The following ZNF398 variants were observed in gnomAD, a reference collection of about 807,000 sequenced individuals.
ZNF398 encodes the protein zinc finger DNA binding protein ZER6.
ZNF398 carries 18 observed loss-of-function variants against 41.9 expected under a neutral mutation model. The observed-to-expected ratio is 0.43, with a 90% CI of 0.30 to 0.64. The LOEUF is 0.64. Among genes scored for constraint, ZNF398 ranks in the 30% least tolerant of loss-of-function variants. The probability of loss-of-function intolerance (pLI) is 0.14; values close to 1 mark genes in which losing one functional copy is unlikely to be tolerated. For synonymous variants in ZNF398, 260 were observed against 308.8 expected (o/e 0.84, Z 1.66); for missense variants, 669 against 822.8 (o/e 0.81, Z 2.29).
At position 149,179,834 on chromosome 7, in the gene ZNF398, G is replaced by A; in HGVS notation, c.*33G>A. On this transcript the variant is annotated 3_prime_UTR_variant, in exon 6 of 6. Coordinates refer to ENST00000475153, the MANE Select transcript of ZNF398 (RefSeq NM_170686.3). The surrounding 1 kb of genome is among the most constrained non-coding windows in gnomAD (Gnocchi z 6.1). ...TCTCTGTGGCTTCATGCTTGTATATGCTCACAGCAGGGCACAAAATCCAAG... is the reference window on the plus strand; with the variant it reads ...TCTCTGTGGCTTCATGCTTGTATATACTCACAGCAGGGCACAAAATCCAAG... The A allele has an allele frequency of 6.6e-7, 1 of 1,521,914 alleles. No individual in the cohort carries two copies. The highest frequency in any genetic ancestry group is 8.8e-7 in the Non-Finnish European group (1 of 1,133,054). 94.3% of individuals were successfully genotyped at this position (1,521,914 alleles called of 1,614,324 possible).
intron 5 of ZNF398, 82 bp downstream of exon 5, chr7:149,176,663 T>C (rs1795466280): frequency 1.2e-6 from 1 of 829,580 alleles, no homozygotes; most frequent in Non-Finnish European, 1.9e-6. Context: ...GTGAAATTTG[T>C]AGAGGCAAAT....
At chr7:149,175,815 G>T (rs1795449257) in intron 4 of ZNF398, among the ~76,000 whole-genome samples, 1 of 152,114 alleles carries the variant, frequency 6.6e-6, no homozygotes, top group Admixed American at 6.5e-5. Flanking sequence ...CTCCTGAGTA[G>T]CTGGGATTAC....
intron 1 of ZNF398, among the ~76,000 whole-genome samples, chr7:149,150,116 G>A (rs1015111618): frequency 6.6e-6 from 1 of 152,192 alleles, no homozygotes; most frequent in Admixed American, 6.5e-5. Context: ...TCCTTAGGAA[G>A]TAAAGAAGAA....
At chr7:149,172,236 T>G (rs1396643852) in intron 4 of ZNF398, among the ~76,000 whole-genome samples, 15 of 152,176 alleles carry the variant, frequency 9.9e-5, no homozygotes, top group Admixed American at 9.8e-4. Flanking sequence ...CTGAAAATAT[T>G]AAATGGAAAA....
In ZNF398 at chr7:149,177,160, T is replaced by C. The variant is rs535352263; in HGVS notation, c.775+579T>C. Among the ~76,000 whole-genome samples, 6 of 152,086 alleles carry C rather than the reference T, an allele frequency of 3.9e-5. No individual in the cohort carries two copies. The East Asian group carries it at 9.6e-4, about 24-fold the overall frequency. ...TTCTGTGCTCTGTGTTCTTTTAGAC[T>C]GGGAAACACAAATGAAACATAAGAT... On this transcript the variant is annotated intron_variant, in intron 5 of 5. Transcript: ENST00000475153.
intron 3 of ZNF398, 56 bp downstream of exon 3, chr7:149,166,340 G>T (rs1795225863): frequency 6.3e-7 from 1 of 1,598,892 alleles, no homozygotes; most frequent in East Asian, 2.2e-5. Context: ...AGAGGGCTCA[G>T]AACAGTCCCT....
chr7:149,166,759 T>C lies in ZNF398; in HGVS notation c.548-58T>C. 4.0e-6 allele frequency: 5 copies of C among 1,248,550 alleles called. No homozygotes were observed. The South Asian group carries it at 5.3e-5, about 13-fold the overall frequency. The allele number at this position is 1,248,550 out of a possible 1,614,324, so 77.3% of individuals were successfully genotyped here. On this transcript the variant is annotated intron_variant, in intron 3 of 5. Transcript: ENST00000475153. ...GCTTCAGCTCAGCCTTGATGGCAAT[T>C]AGTTGTCATCCTCATTTATCTCTTT...
In ZNF398 at chr7:149,138,716, C is replaced by T. The variant is rs184378567; in HGVS notation, c.-490+9772C>T. On this transcript the variant is annotated intron_variant, in intron 2 of 6. Coordinates refer to the ZNF398 transcript ENST00000426851. ...CACAAAGATAAGAACCAAAATGCTT[C>T]GAGTGATTGTCTCTGGATTGTATGA... Among the ~76,000 whole-genome samples, 8 of 152,204 alleles carry T rather than the reference C, an allele frequency of 5.3e-5. No individual in the cohort carries two copies. The East Asian group carries it at 7.7e-4, about 15-fold the overall frequency.
At chr7:149,136,377 C>G (rs1009126970) in intron 2 of ZNF398, among the ~76,000 whole-genome samples, 32 of 152,114 alleles carry the variant, frequency 2.1e-4, no homozygotes, top group Admixed American at 1.9e-3. Flanking sequence ...AGGTGCGCCT[C>G]ACTTCCCAGA....
intron 4 of ZNF398, among the ~76,000 whole-genome samples, chr7:149,167,173 C>T (rs1045754767): frequency 1.3e-5 from 2 of 152,202 alleles, no homozygotes; most frequent in African/African-American, 4.8e-5. Flanking sequence ...AGTACTGACA[C>T]CTAGCTGTTT....
intron 2 of ZNF398, among the ~76,000 whole-genome samples, chr7:149,132,851 C>A (rs1221031543): frequency 6.6e-6 from 1 of 152,150 alleles, no homozygotes; most frequent in Non-Finnish European, 1.5e-5. Flanking sequence ...CAACTGCCAG[C>A]ATTCACCTGT....
At chr7:149,142,021 T>C (rs547265602) in intron 2 of ZNF398, among the ~76,000 whole-genome samples, 1 of 152,222 alleles carries the variant, frequency 6.6e-6, no homozygotes, top group South Asian at 2.1e-4. Context: ...CAGTCATGGC[T>C]TACTACAGCT....
chr7:149,173,455 A>G (rs1313590487), intron 4 of ZNF398, among the ~76,000 whole-genome samples: 2 of 152,124 alleles, frequency 1.3e-5, no homozygotes, highest in Admixed American at 1.3e-4. Context: ...TGTGTCACCC[A>G]GGCTGGAGTG....
chr7:149,165,059 A>C (rs2129521072), intron 2 of ZNF398, among the ~76,000 whole-genome samples: 1 of 151,566 alleles, frequency 6.6e-6, no homozygotes, highest in Admixed American at 6.6e-5. Flanking sequence ...GCGCCACTGC[A>C]CTCCAGCCTG....
intron 1 of ZNF398, among the ~76,000 whole-genome samples, chr7:149,128,518 A>T (rs1826530966): frequency 2.0e-5 from 3 of 152,014 alleles, no homozygotes; most frequent in Admixed American, 2.0e-4. Context: ...AGGCTGAGGC[A>T]GTAGGATTGC....
In ZNF398 at chr7:149,176,601, G is replaced by A. The variant is rs1187472592; in HGVS notation, c.775+20G>A. On this transcript the variant is annotated intron_variant, in intron 5 of 5. Transcript: ENST00000475153. ...ATGCTGGTGAGTATGAAATTAAAGAGGTGTTCATGTCCATATCCAGCTCAT... is the reference window on the plus strand; with the variant it reads ...ATGCTGGTGAGTATGAAATTAAAGAAGTGTTCATGTCCATATCCAGCTCAT... The A allele has an allele frequency of 7.2e-6, 11 of 1,519,748 alleles. No individual in the cohort carries two copies. Among genetic ancestry groups the A allele is most frequent in the Non-Finnish European group, 9.9e-6 (11 of 1,108,036 alleles). 94.1% of individuals were successfully genotyped at this position (1,519,748 alleles called of 1,614,324 possible).
chr7:149,152,651 C>T (rs1308185739), intron 1 of ZNF398, among the ~76,000 whole-genome samples: 1 of 151,372 alleles, frequency 6.6e-6, no homozygotes, highest in African/African-American at 2.4e-5. Flanking sequence ...ACTGAAACCT[C>T]GGTCTCCTGG....
intron 1 of ZNF398, among the ~76,000 whole-genome samples, chr7:149,153,342 A>G (rs1794900690): frequency 6.6e-6 from 1 of 152,166 alleles, no homozygotes; most frequent in African/African-American, 2.4e-5. Context: ...TGTAGGCCAA[A>G]GTTTGCCTGT....
At chr7:149,149,492 G>C (rs992361473) in intron 1 of ZNF398, among the ~76,000 whole-genome samples, 2 of 152,054 alleles carry the variant, frequency 1.3e-5, no homozygotes, top group African/African-American at 4.8e-5. Flanking sequence ...GGGATCCAAA[G>C]TGCTGGGATT....
Sources: gnomAD v4.1 joint callset for allele counts (sites outside exome capture counted in the v4.1 genomes callset) on GRCh38, gnomAD v4.1.1 for gene constraint, Gnocchi (gnomAD v3.1) non-coding constraint, MANE v1.5 for transcripts, NCBI Gene and HGNC (gene_info 2026-07-23, HGNC 2026-07-21) for gene names.